HS3ST5: variants seen among roughly 807,000 people sequenced by gnomAD.
The protein encoded by HS3ST5 is heparan sulfate glucosamine 3-O-sulfotransferase 5.
HS3ST5 carries 10 observed loss-of-function variants against 25.4 expected under a neutral mutation model. The ratio of observed to expected loss-of-function variants is 0.39; its 90% CI spans 0.24 to 0.67. The LOEUF (loss-of-function observed/expected upper bound fraction) is 0.67. Ranked by LOEUF, HS3ST5 falls within the 30% of genes least tolerant of loss-of-function variation. The pLI, the probability that HS3ST5 is intolerant of heterozygous loss-of-function variation, is 0.44. For missense variants in HS3ST5, 324 were observed against 420.7 expected, an observed-to-expected ratio of 0.77 and a Z score of 2.01; for synonymous variants, 170 against 162.4, an observed-to-expected ratio of 1.05 and a Z score of -0.36.
intron 1 of HS3ST5, chr6:114,230,332 T>G (rs1223679868): frequency 1.3e-5 from 2 of 152,060 alleles, no homozygotes; most frequent in African/African-American, 4.8e-5. Context: ...ATGTATGACA[T>G]TACTCAAAAT....
At chr6:114,152,498 A>G (rs1373170064) in intron 3 of HS3ST5, among the ~76,000 whole-genome samples, 1 of 152,122 alleles carries the variant, frequency 6.6e-6, no homozygotes, top group Non-Finnish European at 1.5e-5. Context: ...GGTAATTAGA[A>G]ATAATTCTGT....
intron 2 of HS3ST5, among the ~76,000 whole-genome samples, chr6:114,202,465 CAG>C (rs1419683311): frequency 6.6e-6 from 1 of 152,078 alleles, no homozygotes; most frequent in African/African-American, 2.4e-5. Context: ...CTCAAGTGCC[CAG>C]AGAGTTCCTG....
At chr6:114,288,381 T>C (rs73770057) in intron 1 of HS3ST5, among the ~76,000 whole-genome samples, 183 of 152,246 alleles carry the variant, frequency 1.2e-3, no homozygotes, top group African/African-American at 4.3e-3. Context: ...ATATTATATT[T>C]GGATTTTCAT....
At chr6:114,092,396 A>G (rs1775164515) in intron 3 of HS3ST5, among the ~76,000 whole-genome samples, 2 of 152,202 alleles carry the variant, frequency 1.3e-5, no homozygotes, top group African/African-American at 2.4e-5. Flanking sequence ...TCTCTCCCCA[A>G]GGAGCTTTTA....
At chr6:114,196,138 T>C (rs1780740449) in intron 2 of HS3ST5, among the ~76,000 whole-genome samples, 1 of 152,188 alleles carries the variant, frequency 6.6e-6, no homozygotes, top group African/African-American at 2.4e-5. Flanking sequence ...TATTAAACTT[T>C]CGCTCCAACC....
chr6:114,056,627 A>G lies in HS3ST5; in HGVS notation c.*630T>C, dbSNP rs1772784026. ...ACATTTCTCTCTGTTGACATACAAC[A>G]TGGAAGTAAAAGGACTTGACTTTCC... On this transcript the variant is annotated 3_prime_UTR_variant, in exon 5 of 5. Transcript: ENST00000312719. 2.0e-5 allele frequency: 3 copies of G among 152,276 alleles called. No individual in the cohort carries two copies. Among genetic ancestry groups the G allele is most frequent in the African/African-American group, 7.2e-5 (3 of 41,454 alleles). 9.4% of individuals were successfully genotyped at this position (152,276 alleles called of 1,614,324 possible). A position where few individuals can be genotyped will look rare whatever the true frequency, so the allele number is the denominator to read the frequency against.
chr6:114,228,116 G>A lies in HS3ST5; in HGVS notation c.-145+469C>T, dbSNP rs1771395102. On this transcript the variant is annotated intron_variant, in intron 2 of 4. Coordinates refer to ENST00000312719, the MANE Select transcript of HS3ST5 (RefSeq NM_153612.4). ...GATTGTATTGAATGTCACTTTCAGT[G>A]TTTCTCAAAGGCCTCAGACTCACAG... Among the ~76,000 whole-genome samples the A allele has an allele frequency of 1.3e-5, 2 of 152,148 alleles. 1 individual carries two copies. The highest frequency in any genetic ancestry group is 4.1e-4 in the South Asian group (2 of 4,824).
chr6:114,278,379 A>C (rs1773958428), intron 1 of HS3ST5, among the ~76,000 whole-genome samples: 2 of 152,000 alleles, frequency 1.3e-5, no homozygotes, highest in South Asian at 4.2e-4. Flanking sequence ...TTTGCTTGCA[A>C]ATTTAACAAT....
At chr6:114,253,673 C>T (rs956760377) in intron 1 of HS3ST5, among the ~76,000 whole-genome samples, 8 of 152,082 alleles carry the variant, frequency 5.3e-5, no homozygotes, top group African/African-American at 1.9e-4. Flanking sequence ...TAGAAGCCAC[C>T]GAAAATGTTC....
intron 1 of HS3ST5, among the ~76,000 whole-genome samples, chr6:114,286,870 T>C (rs953947201): frequency 7.2e-5 from 11 of 152,036 alleles, no homozygotes; most frequent in African/African-American, 2.7e-4. Context: ...CATTTTTGTC[T>C]GCTAATCTTA....
chr6:114,305,614 C>T, intron 1 of HS3ST5, among the ~76,000 whole-genome samples: 1 of 152,054 alleles, frequency 6.6e-6, no homozygotes, highest in Non-Finnish European at 1.5e-5. Flanking sequence ...TTAAAAAGAC[C>T]ATGCTCAAAA....
chr6:114,104,595 G>A (rs142609915), intron 3 of HS3ST5, among the ~76,000 whole-genome samples: 1 of 152,182 alleles, frequency 6.6e-6, no homozygotes, highest in African/African-American at 2.4e-5. Flanking sequence ...GTTGTGTTCA[G>A]CAACATGTCG....
chr6:114,322,945 T>C (rs112958400), intron 1 of HS3ST5, among the ~76,000 whole-genome samples: 2 of 152,180 alleles, frequency 1.3e-5, no homozygotes, highest in Admixed American at 1.3e-4. Context: ...TTGTGTCACT[T>C]TCAGAGGAAA....
chr6:114,133,167 T>C (rs1206910654), intron 3 of HS3ST5, among the ~76,000 whole-genome samples: 2 of 152,284 alleles, frequency 1.3e-5, no homozygotes, highest in East Asian at 3.9e-4. Context: ...TCCCATCTTG[T>C]CTTCTGCCCA....
intron 3 of HS3ST5, chr6:114,112,598 T>G (rs1776321196): frequency 6.6e-6 from 1 of 152,328 alleles, no homozygotes; most frequent in East Asian, 1.9e-4. Flanking sequence ...TCTGCCAGCA[T>G]CTACAGAGTT....
At chr6:114,330,465 C>T (rs553411128) in intron 1 of HS3ST5, among the ~76,000 whole-genome samples, 1 of 152,156 alleles carries the variant, frequency 6.6e-6, no homozygotes, top group Non-Finnish European at 1.5e-5. Context: ...GCTACCCACT[C>T]CAGCTAGATG....
chr6:114,281,168 A>G (rs1281271451), intron 1 of HS3ST5, among the ~76,000 whole-genome samples: 1 of 152,006 alleles, frequency 6.6e-6, no homozygotes, highest in Non-Finnish European at 1.5e-5. Flanking sequence ...ATCCCTTCCA[A>G]TGTATCTCAG....
chr6:114,310,108 TG>T (rs1235408610), intron 1 of HS3ST5, among the ~76,000 whole-genome samples: 1 of 152,170 alleles, frequency 6.6e-6, no homozygotes, highest in African/African-American at 2.4e-5. Context: ...GATGGAATGA[TG>T]GGGGAAAAAA....
At chr6:114,137,066 A>T (rs1777653597) in intron 3 of HS3ST5, among the ~76,000 whole-genome samples, 1 of 152,190 alleles carries the variant, frequency 6.6e-6, no homozygotes, top group Non-Finnish European at 1.5e-5. Flanking sequence ...CTAAATGGAT[A>T]TGTGGATATG....
Sources: allele counts gnomAD v4.1 joint callset (sites outside exome capture counted in the v4.1 genomes callset), GRCh38; gene constraint gnomAD v4.1.1; transcripts MANE v1.5; gene names NCBI Gene and HGNC (gene_info 2026-07-23, HGNC 2026-07-21).